The following RPS6KC1 variants were observed in gnomAD, a reference collection of about 807,000 sequenced individuals.
The protein encoded by RPS6KC1 is ribosomal protein S6 kinase C1.
RPS6KC1 carries 54 observed loss-of-function variants against 103.8 expected under a neutral mutation model. That is an observed-to-expected ratio of 0.52 (90% CI 0.42 to 0.65). The LOEUF is 0.65. Among genes scored for constraint, RPS6KC1 ranks in the 30% least tolerant of loss-of-function variants. The pLI, the probability that RPS6KC1 is intolerant of heterozygous loss-of-function variation, is 0.00. For missense variants in RPS6KC1, 1,151 were observed against 1,253.8 expected (o/e 0.92, Z 1.24); for synonymous variants, 439 against 438.7 (o/e 1.00, Z -0.01).
the RPS6KC1 span, among the ~76,000 whole-genome samples, chr1:213,631,952 C>T: frequency 1.3e-4 from 20 of 152,276 alleles, no homozygotes; most frequent in Non-Finnish European, 1.0e-4. Flanking sequence ...CTGATCTCTT[C>T]TCCATCATTG....
At chr1:213,708,780 C>T in the RPS6KC1 span, among the ~76,000 whole-genome samples, 134 of 152,174 alleles carry the variant, frequency 8.8e-4, no homozygotes, top group African/African-American at 2.9e-3. Context: ...AATTTTATCA[C>T]AGGCCTTTTC....
chr1:213,511,920 TAAATGGTACAGA>T, the RPS6KC1 span, among the ~76,000 whole-genome samples: 4 of 152,208 alleles, frequency 2.6e-5, no homozygotes, highest in African/African-American at 9.7e-5. Context: ...ATAAGCTCCA[TAAATGGTACAGA>T]GTTTTGCCCA....
At chr1:213,477,357 T>A in the RPS6KC1 span, among the ~76,000 whole-genome samples, 1 of 151,882 alleles carries the variant, frequency 6.6e-6, no homozygotes, top group African/African-American at 2.4e-5. Flanking sequence ...CTTATTTTTT[T>A]TTTTTATCTA....
chr1:213,137,319 T>C (rs1233530162), intron 6 of RPS6KC1, among the ~76,000 whole-genome samples: 2 of 151,562 alleles, frequency 1.3e-5, no homozygotes, highest in Admixed American at 1.3e-4. Flanking sequence ...TTTTTTTATT[T>C]TTAAATTTTA....
intron 3 of RPS6KC1, among the ~76,000 whole-genome samples, chr1:213,089,651 G>A (rs1393607536): frequency 2.0e-5 from 3 of 151,946 alleles, no homozygotes; most frequent in Admixed American, 2.0e-4. Context: ...TAGCAGAGAC[G>A]GGGTTTCACC....
chr1:213,428,580 C>T, the RPS6KC1 span: 1 of 126,380 alleles, frequency 7.9e-6, no homozygotes, highest in Admixed American at 8.1e-5. Flanking sequence ...ATCTCCCTCC[C>T]TCCCTCCCTT....
the RPS6KC1 span, among the ~76,000 whole-genome samples, chr1:213,468,149 G>A: frequency 1.3e-5 from 2 of 152,254 alleles, no homozygotes; most frequent in South Asian, 2.1e-4. Context: ...CCATCCATTT[G>A]TGTTTGATGT....
chr1:213,569,947 T>G, the RPS6KC1 span, among the ~76,000 whole-genome samples: 1 of 152,226 alleles, frequency 6.6e-6, no homozygotes, highest in Admixed American at 6.5e-5. Context: ...GAAGTCATTG[T>G]GCTCTTTGAT....
At chr1:213,753,248 T>C in the RPS6KC1 span, among the ~76,000 whole-genome samples, 333 of 152,294 alleles carry the variant, frequency 2.2e-3, 1 homozygote, top group African/African-American at 7.8e-3. Context: ...GTCAAAGTTA[T>C]GTTAGGGGTA....
chr1:213,329,830 AC>A, the RPS6KC1 span, among the ~76,000 whole-genome samples: 1 of 149,992 alleles, frequency 6.7e-6, no homozygotes, highest in Non-Finnish European at 1.5e-5. Flanking sequence ...TCACCGTTGG[AC>A]CCCCCCAACC....
chr1:213,133,217 T>C (rs924016842), intron 6 of RPS6KC1, among the ~76,000 whole-genome samples: 17 of 152,138 alleles, frequency 1.1e-4, no homozygotes, highest in Admixed American at 3.3e-4. Flanking sequence ...TTGAAAAGGA[T>C]GTTGCAATAT....
intron 12 of RPS6KC1, among the ~76,000 whole-genome samples, chr1:213,248,227 G>A (rs2094486734): frequency 6.6e-6 from 1 of 151,988 alleles, no homozygotes; most frequent in African/African-American, 2.4e-5. Context: ...AAAGAAGGTG[G>A]CAGCAAGAGG....
the RPS6KC1 span, among the ~76,000 whole-genome samples, chr1:213,618,390 C>T: frequency 1.3e-5 from 2 of 152,334 alleles, no homozygotes; most frequent in African/African-American, 4.8e-5. Context: ...AAATGGGAAG[C>T]TCTCAGGCTC....
chr1:213,169,357 C>T (rs1383244104), intron 7 of RPS6KC1, among the ~76,000 whole-genome samples: 1 of 152,092 alleles, frequency 6.6e-6, no homozygotes, highest in African/African-American at 2.4e-5. Flanking sequence ...ACTTGCAAGC[C>T]ATATATACTT....
chr1:213,438,792 CTTTT>C, the RPS6KC1 span, among the ~76,000 whole-genome samples: 3 of 129,732 alleles, frequency 2.3e-5, no homozygotes, highest in Admixed American at 7.9e-5. Flanking sequence ...ATCTTGGTTT[CTTTT>C]TTTTTTTTTT....
the RPS6KC1 span, among the ~76,000 whole-genome samples, chr1:213,735,774 T>A: frequency 2.6e-5 from 4 of 152,232 alleles, no homozygotes; most frequent in Admixed American, 6.5e-5. Context: ...ACTGGCTTTA[T>A]AATTTATTAG....
intron 2 of RPS6KC1, among the ~76,000 whole-genome samples, chr1:213,073,710 C>T (rs1482565837): frequency 6.6e-6 from 1 of 152,110 alleles, no homozygotes; most frequent in Non-Finnish European, 1.5e-5. Context: ...GAGTCTCGCT[C>T]TGTCACCCAG....
rs375107029 is a variant in RPS6KC1, at chr1:213,201,599, G to A, written c.1044+25107G>A. On this transcript the variant is annotated intron_variant, in intron 8 of 14. Coordinates refer to ENST00000366960, the MANE Select transcript of RPS6KC1 (RefSeq NM_012424.6). ...AACTGTGTACTCCAGATGATAATGA[G>A]TCATTGGTGTAGGTTCATCAGTTGC... is the stretch of plus-strand genomic sequence containing the variant. Among the ~76,000 whole-genome samples, 33 of 152,340 alleles carry A rather than the reference G, an allele frequency of 2.2e-4. No homozygotes were observed. The South Asian group carries it at 5.4e-3, about 25-fold the overall frequency.
the RPS6KC1 span, among the ~76,000 whole-genome samples, chr1:213,377,742 G>T: frequency 6.6e-6 from 1 of 152,188 alleles, no homozygotes; most frequent in Non-Finnish European, 1.5e-5. Context: ...CTACATGTCT[G>T]ATTGGGGGTG....
Sources: gnomAD v4.1 joint callset for allele counts (sites outside exome capture counted in the v4.1 genomes callset) on GRCh38, gnomAD v4.1.1 for gene constraint, MANE v1.5 for transcripts, NCBI Gene and HGNC (gene_info 2026-07-23, HGNC 2026-07-21) for gene names.